NFAM1: variants seen among roughly 807,000 people sequenced by gnomAD.
NFAM1 encodes NFAT activating protein with ITAM motif 1.
NFAM1 carries 17 observed loss-of-function variants against 29.0 expected under a neutral mutation model. That is an observed-to-expected ratio of 0.59 (90% CI 0.40 to 0.88). The LOEUF (loss-of-function observed/expected upper bound fraction) is 0.88. Ranked by LOEUF, NFAM1 falls within the 40% of genes least tolerant of loss-of-function variation. The pLI, the probability that NFAM1 is intolerant of heterozygous loss-of-function variation, is 0.00. For missense variants in NFAM1, 324 were observed against 344.6 expected (o/e 0.94, Z 0.47); for synonymous variants, 175 against 147.2 (o/e 1.19, Z -1.36).
At chr22:42,418,624 C>T (rs540323760) in intron 1 of NFAM1, among the ~76,000 whole-genome samples, 2 of 151,682 alleles carry the variant, frequency 1.3e-5, no homozygotes, top group South Asian at 2.1e-4. Context: ...ACCCAGGAGG[C>T]GGAGATTGCA....
At chr22:42,430,156 G>C (rs149709944) in intron 1 of NFAM1, among the ~76,000 whole-genome samples, 1 of 152,180 alleles carries the variant, frequency 6.6e-6, no homozygotes, top group East Asian at 1.9e-4. Flanking sequence ...CCAGTTATTC[G>C]GGAGGCTGAG....
In NFAM1 at chr22:42,428,633, A is replaced by C. The variant is rs144998892; in HGVS notation, c.121+3604T>G. ...CAAACTTGTCTGGTAACTCCGGCCAAGGCTCACGGTCCCACCAGGCTGAGA... is the reference window on the plus strand; with the variant it reads ...CAAACTTGTCTGGTAACTCCGGCCACGGCTCACGGTCCCACCAGGCTGAGA... On this transcript the variant is annotated intron_variant, in intron 1 of 5. Coordinates refer to ENST00000329021, the MANE Select transcript of NFAM1 (RefSeq NM_145912.8). Among the ~76,000 whole-genome samples, 422 of 152,256 alleles carry C rather than the reference A, an allele frequency of 2.8e-3. 1 individual carries two copies. Among genetic ancestry groups the C allele is most frequent in the African/African-American group, 9.9e-3 (413 of 41,540 alleles).
At chr22:42,408,947 T>C (rs1321362451) in intron 3 of NFAM1, among the ~76,000 whole-genome samples, 1 of 152,112 alleles carries the variant, frequency 6.6e-6, no homozygotes, top group East Asian at 1.9e-4. Context: ...AACCTCGTCA[T>C]GGAGCTATGC....
intron 1 of NFAM1, among the ~76,000 whole-genome samples, chr22:42,413,581 GC>G (rs1174544043): frequency 2.0e-5 from 3 of 151,840 alleles, no homozygotes; most frequent in Admixed American, 6.6e-5. Context: ...TTCGAGACCA[GC>G]CTGGCTAACA....
rs1230502520 is a variant in NFAM1 at position 42,382,071 on chromosome 22, T to G, written c.*3090A>C. On this transcript the variant is annotated 3_prime_UTR_variant, in exon 6 of 6. Coordinates refer to ENST00000329021, the MANE Select transcript of NFAM1 (RefSeq NM_145912.8). Reference sequence around the variant, plus strand: ...ACTGAGTAGTGTTTGTTTGTTTGTTTATTTGGACAGAGCGTGCTCTGTAGC... The same window carrying G: ...ACTGAGTAGTGTTTGTTTGTTTGTTGATTTGGACAGAGCGTGCTCTGTAGC... The G allele has an allele frequency of 1.3e-5, 2 of 152,146 alleles. No homozygotes were observed. Among genetic ancestry groups the G allele is most frequent in the Admixed American group, 6.5e-5 (1 of 15,278 alleles). 9.4% of individuals were successfully genotyped at this position (152,146 alleles called of 1,614,324 possible). A position where few individuals can be genotyped will look rare whatever the true frequency, so the allele number is the denominator to read the frequency against.
chr22:42,425,886 C>G (rs78296137), intron 1 of NFAM1, among the ~76,000 whole-genome samples: 1 of 150,138 alleles, frequency 6.7e-6, no homozygotes, highest in East Asian at 2.0e-4. Context: ...CCTGTGTGCT[C>G]GGGATCACAG....
At chr22:42,400,617 C>A (rs1368893221) in intron 3 of NFAM1, among the ~76,000 whole-genome samples, 1 of 152,180 alleles carries the variant, frequency 6.6e-6, no homozygotes, top group East Asian at 1.9e-4. Flanking sequence ...GACTCTATCT[C>A]AAAAACAAAA....
intron 3 of NFAM1, among the ~76,000 whole-genome samples, chr22:42,402,520 G>C (rs915475020): frequency 2.0e-5 from 3 of 152,218 alleles, no homozygotes; most frequent in Non-Finnish European, 2.9e-5. Context: ...GTCACCAAGA[G>C]GGGGGTGACC....
rs763995893 is a variant in NFAM1, at chr22:42,397,899, C to T, written c.622G>A (p.Ala208Thr). The T allele has an allele frequency of 2.5e-6, 4 of 1,612,950 alleles. No individual in the cohort carries two copies. In the Middle Eastern group the frequency reaches 4.9e-4, roughly 199 times the overall value. Residue 208 changes from alanine (A) to threonine (T), a missense_variant, in exon 4 of 6, where the codon GCC becomes ACC. Physicochemically the swap from Ala to Thr is moderately conservative, Grantham distance 58. Transcript: ENST00000329021. ...GAAGGATGCTGCTTGGGGCTGCTGGCAGATCTTGGATCTGGGCACTTCCTG... is the reference window on the plus strand; with the variant it reads ...GAAGGATGCTGCTTGGGGCTGCTGGTAGATCTTGGATCTGGGCACTTCCTG... ...PTRKCPDPRS[A>T]SSPKQHPSES...
intron 4 of NFAM1, among the ~76,000 whole-genome samples, chr22:42,397,087 C>T (rs1305179074): frequency 6.6e-6 from 1 of 152,224 alleles, no homozygotes; most frequent in African/African-American, 2.4e-5. Context: ...ATTTCTTCTT[C>T]CCTTGCTCTA....
rs189452353 is a variant in NFAM1 at position 42,419,729 on chromosome 22, C to A, written c.122-7993G>T. Reference sequence around the variant, plus strand: ...CCTACCCATTCCTTCCTCTCCTGGGCTTTGGGGTCCCCCTCTGTCTCCAGG... The same window carrying A: ...CCTACCCATTCCTTCCTCTCCTGGGATTTGGGGTCCCCCTCTGTCTCCAGG... On this transcript the variant is annotated intron_variant, in intron 1 of 5. Coordinates refer to ENST00000329021, the MANE Select transcript of NFAM1 (RefSeq NM_145912.8). The surrounding 1 kb of genome is among the most constrained non-coding windows in gnomAD (Gnocchi z 4.5). Among the ~76,000 whole-genome samples, 1 of 152,320 alleles carries A rather than the reference C, an allele frequency of 6.6e-6. No individual in the cohort carries two copies. The highest frequency in any genetic ancestry group is 2.4e-5 in the African/African-American group (1 of 41,568).
Position 42,385,220 on chromosome 22 carries a change from C to A in NFAM1, c.754G>T (p.Glu252Ter). Residue 252 changes from glutamate to a stop codon, truncating the protein, a stop_gained and splice_region_variant, in exon 6 of 6, where the codon GAG (glutamate) becomes TAG (stop). Coordinates refer to ENST00000329021, the MANE Select transcript of NFAM1 (RefSeq NM_145912.8). LOFTEE classifies it high-confidence loss of function. ...PTAKQSPLSQ[E>*]RPHRFEDDGE... Reference sequence around the variant, plus strand: ...TCATCTTCGAATCTATGCGGTCTCTCCTGGATAGAAAAGAAGAAAGGGAGG... The same window carrying A: ...TCATCTTCGAATCTATGCGGTCTCTACTGGATAGAAAAGAAGAAAGGGAGG... 6.2e-7 allele frequency: 1 copy of A among 1,603,660 alleles called. No homozygotes were observed. Among genetic ancestry groups the A allele is most frequent in the Non-Finnish European group, 8.5e-7 (1 of 1,170,608 alleles).
At chr22:42,436,676 C>A (rs1930948190), upstream of NFAM1, among the ~76,000 whole-genome samples, 1 of 152,252 alleles carries the variant, frequency 6.6e-6, no homozygotes, top group Non-Finnish European at 1.5e-5. Context: ...TGATGCCAGA[C>A]ACAGTTCTAA....
At chr22:42,418,369 G>T (rs1327814853) in intron 1 of NFAM1, among the ~76,000 whole-genome samples, 1 of 152,216 alleles carries the variant, frequency 6.6e-6, no homozygotes, top group Admixed American at 6.5e-5. Context: ...ACAAGAATGA[G>T]ACAGGGAGTC....
In NFAM1 at chr22:42,411,770, C is replaced by A; in HGVS notation, c.122-34G>T. Reference sequence around the variant, plus strand: ...GAAGCAAAGGGAGAGAGCAACAGGTCACTTGAGGCTGCCTCAGTCCCACCC... The same window carrying A: ...GAAGCAAAGGGAGAGAGCAACAGGTAACTTGAGGCTGCCTCAGTCCCACCC... On this transcript the variant is annotated intron_variant, in intron 1 of 5. Transcript: ENST00000329021. 2.0e-6 allele frequency: 3 copies of A among 1,498,610 alleles called. No homozygotes were observed. In the South Asian group the frequency reaches 3.4e-5, roughly 17 times the overall value. 92.8% of individuals were successfully genotyped at this position (1,498,610 alleles called of 1,614,324 possible).
intron 1 of NFAM1, among the ~76,000 whole-genome samples, chr22:42,428,298 C>T (rs1343414003): frequency 6.6e-6 from 1 of 152,236 alleles, no homozygotes; most frequent in Non-Finnish European, 1.5e-5. Flanking sequence ...CCCCGCCCAC[C>T]TCTGCCTGTG....
Position 42,385,044 on chromosome 22 carries a change from G to A in NFAM1, c.*117C>T, listed in dbSNP as rs142256313. 2.9e-4 allele frequency: 230 copies of A among 793,286 alleles called. No homozygotes were observed. The African/African-American group carries it at 3.5e-3, about 12-fold the overall frequency. 49.1% of individuals were successfully genotyped at this position (793,286 alleles called of 1,614,324 possible). ...GACAGGAAGGGCCTTGAATGTGAGGGTGAAATGATGGGGTGTCCCTGGGGG... is the reference window on the plus strand; with the variant it reads ...GACAGGAAGGGCCTTGAATGTGAGGATGAAATGATGGGGTGTCCCTGGGGG... On this transcript the variant is annotated 3_prime_UTR_variant, in exon 6 of 6. Coordinates refer to ENST00000329021, the MANE Select transcript of NFAM1 (RefSeq NM_145912.8).
intron 1 of NFAM1, among the ~76,000 whole-genome samples, chr22:42,427,523 G>A (rs1930662095): frequency 6.6e-6 from 1 of 152,186 alleles, no homozygotes; most frequent in African/African-American, 2.4e-5. Context: ...GAAGCCACAT[G>A]AGTCCGCACA....
intron 4 of NFAM1, among the ~76,000 whole-genome samples, chr22:42,395,197 A>G (rs1304966097): frequency 2.7e-5 from 4 of 145,730 alleles, no homozygotes; most frequent in Admixed American, 6.9e-5. Flanking sequence ...AAACAGGCCA[A>G]GCGTGGTGGC....
Sources: gnomAD v4.1 joint callset for allele counts (sites outside exome capture counted in the v4.1 genomes callset) on GRCh38, gnomAD v4.1.1 for gene constraint, Gnocchi (gnomAD v3.1) non-coding constraint, MANE v1.5 for transcripts, NCBI Gene and HGNC (gene_info 2026-07-23, HGNC 2026-07-21) for gene names.